Variants in EYA4 observed in about 807,000 individuals in gnomAD.
The protein encoded by EYA4 is EYA transcriptional coactivator and phosphatase 4, also known as protein phosphatase EYA4.
Under a neutral mutation model 87.9 loss-of-function variants are expected in EYA4, and 31 were observed. The observed-to-expected ratio is 0.35, with a 90% CI of 0.27 to 0.48. EYA4 has a LOEUF of 0.48. EYA4 is among the 20% of genes least tolerant of loss of function. EYA4 has a pLI of 0.99. For synonymous variants in EYA4, 263 were observed against 270.6 expected, an observed-to-expected ratio of 0.97 and a Z score of 0.28; for missense variants, 678 against 761.4, an observed-to-expected ratio of 0.89 and a Z score of 1.29.
At chr6:133,396,161 G>A (rs1375320713) in intron 3 of EYA4, among the ~76,000 whole-genome samples, 1 of 152,018 alleles carries the variant, frequency 6.6e-6, no homozygotes, top group Non-Finnish European at 1.5e-5. Context: ...ATTTTTTTAG[G>A]CTTGGCTTCC....
At chr6:133,408,710 T>C (rs1788947271) in intron 3 of EYA4, among the ~76,000 whole-genome samples, 1 of 152,202 alleles carries the variant, frequency 6.6e-6, no homozygotes, top group Admixed American at 6.5e-5. Flanking sequence ...TGGTTTACAC[T>C]GTCAAAGCTT....
intron 3 of EYA4, among the ~76,000 whole-genome samples, chr6:133,431,661 G>T (rs992797670): frequency 2.6e-5 from 4 of 152,172 alleles, no homozygotes; most frequent in Non-Finnish European, 5.9e-5. Context: ...AGATTATTGA[G>T]ATCAGTCTCC....
intron 2 of EYA4, among the ~76,000 whole-genome samples, chr6:133,301,804 G>C (rs1198154123): frequency 6.6e-6 from 1 of 152,146 alleles, no homozygotes; most frequent in Non-Finnish European, 1.5e-5. Flanking sequence ...TCATTTATGT[G>C]ACATGTTTTT....
At chr6:133,276,315 A>T (rs1386215306) in intron 2 of EYA4, among the ~76,000 whole-genome samples, 5 of 152,232 alleles carry the variant, frequency 3.3e-5, no homozygotes, top group Non-Finnish European at 7.3e-5. Context: ...CTAGGGACAT[A>T]GAACTTTCAG....
intron 17 of EYA4, among the ~76,000 whole-genome samples, chr6:133,521,232 A>T (rs1305958861): frequency 2.0e-5 from 3 of 151,992 alleles, no homozygotes; most frequent in African/African-American, 7.2e-5. Context: ...AAGGGCTGAT[A>T]TCCAGAATCT....
chr6:133,349,015 C>A (rs1404843942), intron 2 of EYA4, among the ~76,000 whole-genome samples: 2 of 152,172 alleles, frequency 1.3e-5, no homozygotes, highest in African/African-American at 4.8e-5. Flanking sequence ...TATCTGTCTC[C>A]TCCTCAGTTA....
At chr6:133,435,324 G>T (rs538738650) in intron 3 of EYA4, 3 of 152,274 alleles carry the variant, frequency 2.0e-5, no homozygotes, top group Non-Finnish European at 4.4e-5. Flanking sequence ...ACTCATGCTG[G>T]CCTCAGGGAC....
At chr6:133,358,808 A>G (rs1302077099) in intron 2 of EYA4, among the ~76,000 whole-genome samples, 1 of 152,212 alleles carries the variant, frequency 6.6e-6, no homozygotes, top group Non-Finnish European at 1.5e-5. Context: ...ACACACATAA[A>G]TGATACACAC....
At chr6:133,294,573 T>A (rs1778808515) in intron 2 of EYA4, among the ~76,000 whole-genome samples, 1 of 151,880 alleles carries the variant, frequency 6.6e-6, no homozygotes, top group Non-Finnish European at 1.5e-5. Flanking sequence ...TCTTCTTTTT[T>A]TAATTTTATT....
Position 133,529,379 on chromosome 6 carries a change from G to T in EYA4, c.*574G>T. 1 of 994,802 alleles carries T rather than the reference G, an allele frequency of 1.0e-6. No homozygotes were observed. The highest frequency in any genetic ancestry group is 1.7e-5 in the African/African-American group (1 of 57,364). 61.6% of individuals were successfully genotyped at this position (994,802 alleles called of 1,614,324 possible). A position where few individuals can be genotyped will look rare whatever the true frequency, so the allele number is the denominator to read the frequency against. ...TTTTTCTTTCTTTTGTTGGGGAGGG[G>T]AATGGGAGGGGAAATGGGAATATAA... is the stretch of plus-strand genomic sequence containing the variant. On this transcript the variant is annotated 3_prime_UTR_variant, in exon 20 of 20. Coordinates refer to ENST00000355286, the MANE Select transcript of EYA4 (RefSeq NM_004100.5).
chr6:133,476,942 G>T (rs562469102), intron 11 of EYA4, among the ~76,000 whole-genome samples: 2 of 152,102 alleles, frequency 1.3e-5, no homozygotes, highest in African/African-American at 4.8e-5. Context: ...GAATCAGGGG[G>T]GCAGTTTCCT....
intron 13 of EYA4, among the ~76,000 whole-genome samples, chr6:133,505,833 C>T (rs1455355774): frequency 6.6e-6 from 1 of 152,154 alleles, no homozygotes; most frequent in African/African-American, 2.4e-5. Context: ...AGCTGATTTC[C>T]TTCCTCCTTC....
intron 2 of EYA4, among the ~76,000 whole-genome samples, chr6:133,291,101 T>C (rs1024127852): frequency 1.3e-5 from 2 of 152,180 alleles, no homozygotes; most frequent in Non-Finnish European, 2.9e-5. Context: ...GAAAAATAAT[T>C]TGGCTGCTAA....
rs149715482 is a variant in EYA4, at chr6:133,531,213, G to A, written c.*2408G>A. 1 of 1,534,906 alleles carries A rather than the reference G, an allele frequency of 6.5e-7. No individual in the cohort carries two copies. The highest frequency in any genetic ancestry group is 8.7e-7 in the Non-Finnish European group (1 of 1,146,638). On this transcript the variant is annotated 3_prime_UTR_variant, in exon 20 of 20. Coordinates refer to ENST00000355286, the MANE Select transcript of EYA4 (RefSeq NM_004100.5). ...TTTTTCTGATTCTGTGTTCAGAAGA[G>A]GCTGCCGGCATAAAACCTAAATGCA...
At chr6:133,420,391 C>G (rs1358529213) in intron 3 of EYA4, among the ~76,000 whole-genome samples, 1 of 152,210 alleles carries the variant, frequency 6.6e-6, no homozygotes, top group Non-Finnish European at 1.5e-5. Context: ...TTGCATACAA[C>G]TTACAATTTT....
intron 11 of EYA4, among the ~76,000 whole-genome samples, chr6:133,473,173 G>T (rs536620620): frequency 2.6e-5 from 4 of 152,062 alleles, no homozygotes; most frequent in South Asian, 2.1e-4. Flanking sequence ...TTCTTATTCA[G>T]CTTTGGATGG....
intron 2 of EYA4, among the ~76,000 whole-genome samples, chr6:133,338,447 C>G (rs1357059413): frequency 6.6e-6 from 1 of 152,110 alleles, no homozygotes; most frequent in Non-Finnish European, 1.5e-5. Flanking sequence ...TATGTCACTT[C>G]ACTTGAATGT....
intron 13 of EYA4, among the ~76,000 whole-genome samples, chr6:133,502,025 A>G (rs1798161850): frequency 1.3e-5 from 2 of 150,030 alleles, no homozygotes; most frequent in South Asian, 4.2e-4. Context: ...AGAGCTATTT[A>G]TTTTCTTCAT....
At chr6:133,317,379 T>C (rs1780709219) in intron 2 of EYA4, among the ~76,000 whole-genome samples, 1 of 152,090 alleles carries the variant, frequency 6.6e-6, no homozygotes, top group Non-Finnish European at 1.5e-5. Flanking sequence ...CCAAATTGAG[T>C]TTTCAGTAAC....
Sources: allele counts gnomAD v4.1 joint callset (sites outside exome capture counted in the v4.1 genomes callset), GRCh38; gene constraint gnomAD v4.1.1; transcripts MANE v1.5; gene names NCBI Gene and HGNC (gene_info 2026-07-23, HGNC 2026-07-21).